The following LOC128462377 variants were observed in gnomAD, a reference collection of about 807,000 sequenced individuals.
the LOC128462377 span, among the ~76,000 whole-genome samples, chr16:89,386,030 C>T: frequency 3.3e-5 from 5 of 152,244 alleles, no homozygotes; most frequent in African/African-American, 1.2e-4. Context: ...CGGGTGTGCG[C>T]CGCCATGCCC....
At chr16:89,374,209 C>G in the LOC128462377 span, among the ~76,000 whole-genome samples, 1 of 152,134 alleles carries the variant, frequency 6.6e-6, no homozygotes, top group Non-Finnish European at 1.5e-5. Flanking sequence ...TATCAGACTT[C>G]AAAGATTTAC....
chr16:89,339,770 T>C, the LOC128462377 span: 1 of 152,210 alleles, frequency 6.6e-6, no homozygotes, highest in African/African-American at 2.4e-5. Context: ...AATTACATAA[T>C]GGTTGAAGCC....
chr16:89,340,620 A>G, the LOC128462377 span, among the ~76,000 whole-genome samples: 1 of 152,270 alleles, frequency 6.6e-6, no homozygotes, highest in Admixed American at 6.5e-5. Flanking sequence ...ACAAGGGGAA[A>G]CAGTACTTTG....
At chr16:89,412,624 C>T in the LOC128462377 span, 2 of 152,092 alleles carry the variant, frequency 1.3e-5, no homozygotes, top group Non-Finnish European at 2.9e-5. Flanking sequence ...CCATAAAGTT[C>T]ACTTCAATTT....
chr16:89,334,028 A>G, the LOC128462377 span, among the ~76,000 whole-genome samples: 1 of 151,896 alleles, frequency 6.6e-6, no homozygotes, highest in Non-Finnish European at 1.5e-5. Flanking sequence ...ATACAGAAAT[A>G]AGGCCAGGTG....
chr16:89,376,598 C>T, the LOC128462377 span, among the ~76,000 whole-genome samples: 1,237 of 152,196 alleles, frequency 8.1e-3, 15 homozygotes, highest in African/African-American at 0.028. Context: ...CCACCATGCC[C>T]GGCTAATTTT....
At chr16:89,353,789 A>G in the LOC128462377 span, among the ~76,000 whole-genome samples, 2 of 152,212 alleles carry the variant, frequency 1.3e-5, no homozygotes, top group African/African-American at 4.8e-5. Context: ...CTGGTCACAT[A>G]TCTTATGGAA....
chr16:89,404,366 G>A, the LOC128462377 span, among the ~76,000 whole-genome samples: 3 of 152,058 alleles, frequency 2.0e-5, no homozygotes, highest in African/African-American at 4.8e-5. Context: ...TAATCAAAGG[G>A]CATGAAAAAA....
chr16:89,348,448 C>G, the LOC128462377 span, among the ~76,000 whole-genome samples: 1 of 152,152 alleles, frequency 6.6e-6, no homozygotes, highest in Non-Finnish European at 1.5e-5. Context: ...ATTTTGGTAT[C>G]AAGGTGTCCC....
At chr16:89,374,668 T>C in the LOC128462377 span, among the ~76,000 whole-genome samples, 1 of 151,980 alleles carries the variant, frequency 6.6e-6, no homozygotes, top group South Asian at 2.1e-4. Context: ...GGAGAAAAGC[T>C]CCTCCAGAGA....
At chr16:89,357,507 T>C in the LOC128462377 span, among the ~76,000 whole-genome samples, 1 of 152,120 alleles carries the variant, frequency 6.6e-6, no homozygotes, top group African/African-American at 2.4e-5. Context: ...GATCCAGCAG[T>C]TCCCCTTCTG....
the LOC128462377 span, among the ~76,000 whole-genome samples, chr16:89,337,282 AGGAGAGGACTTCAGGTGGCTC>A: frequency 6.6e-4 from 100 of 152,222 alleles, no homozygotes; most frequent in African/African-American, 2.3e-3. Flanking sequence ...AACGTCAGAA[AGGAGAGGACTTCAGGTGGCTC>A]GGAATCCTCC....
the LOC128462377 span, among the ~76,000 whole-genome samples, chr16:89,332,079 G>C: frequency 6.6e-6 from 1 of 152,062 alleles, no homozygotes; most frequent in Non-Finnish European, 1.5e-5. Context: ...TTCGATCCCA[G>C]GAGTTTGAGA....
At chr16:89,347,054 C>T in the LOC128462377 span, among the ~76,000 whole-genome samples, 1 of 152,068 alleles carries the variant, frequency 6.6e-6, no homozygotes, top group African/African-American at 2.4e-5. Flanking sequence ...CTCTGCTGGG[C>T]GAAAGGCCAG....
the LOC128462377 span, among the ~76,000 whole-genome samples, chr16:89,402,451 G>A: frequency 5.3e-5 from 8 of 152,174 alleles, no homozygotes; most frequent in African/African-American, 9.6e-5. Context: ...AAGCCGAGGC[G>A]GGAAGATCGG....
chr16:89,347,641 T>G, the LOC128462377 span, among the ~76,000 whole-genome samples: 2 of 151,344 alleles, frequency 1.3e-5, no homozygotes, highest in Non-Finnish European at 2.9e-5. Flanking sequence ...GTTCTCCAGG[T>G]TGTGAAAATG....
At chr16:89,344,563 C>T in the LOC128462377 span, among the ~76,000 whole-genome samples, 1 of 152,212 alleles carries the variant, frequency 6.6e-6, no homozygotes, top group East Asian at 1.9e-4. Context: ...CTTGTCTGAA[C>T]GCTGCCTCAG....
chr16:89,355,491 G>C, the LOC128462377 span, among the ~76,000 whole-genome samples: 1 of 152,152 alleles, frequency 6.6e-6, no homozygotes, highest in African/African-American at 2.4e-5. Flanking sequence ...ATTTCAAAGT[G>C]CTCCTCAGGG....
chr16:89,389,939 G>A, the LOC128462377 span, among the ~76,000 whole-genome samples: 89 of 88,584 alleles, frequency 1.0e-3, 3 homozygotes, highest in African/African-American at 4.1e-3. Context: ...AGTGTGGCGG[G>A]GAGCACCGAG....
Sources: allele counts gnomAD v4.1 joint callset (sites outside exome capture counted in the v4.1 genomes callset), GRCh38; gene constraint gnomAD v4.1.1; transcripts MANE v1.5.